The following PEX6 variants were observed in gnomAD, a reference collection of about 807,000 sequenced individuals.
The protein encoded by PEX6 is peroxisomal biogenesis factor 6, also known as peroxisome biogenesis factor 6.
PEX6 carries 55 observed loss-of-function variants against 85.6 expected under a neutral mutation model. The ratio of observed to expected loss-of-function variants is 0.64; its 90% CI spans 0.52 to 0.80. The LOEUF (loss-of-function observed/expected upper bound fraction) is 0.80. PEX6 is among the 30% of genes least tolerant of loss of function. PEX6 has a pLI of 0.00. For synonymous variants in PEX6, 519 were observed against 549.1 expected (o/e 0.95, Z 0.77); for missense variants, 1,099 against 1,260.3 (o/e 0.87, Z 1.94).
rs1352197974 is a variant in PEX6 at position 42,969,944 on chromosome 6, C to A, written c.1174G>T (p.Ala392Ser). The A allele has an allele frequency of 6.2e-7, 1 of 1,614,220 alleles. No homozygotes were observed. The highest frequency in any genetic ancestry group is 8.5e-7 in the Non-Finnish European group (1 of 1,180,036). The change falls in exon 4 of 17, where the codon GCT becomes TCT. Residue 392 changes from alanine to serine, a missense_variant. Transcript: ENST00000304611. The stretch of plus-strand genomic sequence containing the variant: ...TAGGCACTGGCTGGTCCATCTGGAG[C>A]TTCCCCAACTGTTTTCTTCACTTTA... Reference protein sequence around the residue: ...FFKVKKTVGEAPDGPASAYLA... With the variant: ...FFKVKKTVGESPDGPASAYLA...
At chr6:42,977,641 G>A (rs1266049405) in intron 1 of PEX6, among the ~76,000 whole-genome samples, 1 of 150,960 alleles carries the variant, frequency 6.6e-6, no homozygotes, top group African/African-American at 2.4e-5. Context: ...TTAGCCGGGC[G>A]TCGTGGCGCG....
chr6:42,966,469 G>T (rs752543338), intron 10 of PEX6, 22 bp from the exon 11 acceptor site: 1 of 1,614,154 alleles, frequency 6.2e-7, no homozygotes, highest in Non-Finnish European at 8.5e-7. Flanking sequence ...AAAGTGCGTG[G>T]TTGGGATATG....
chr6:42,967,344 C>T (rs1266289982), intron 8 of PEX6, 24 bp downstream of exon 8: 2 of 1,600,662 alleles, frequency 1.2e-6, no homozygotes, highest in South Asian at 1.1e-5. Flanking sequence ...CTAGGGAGGG[C>T]CAGTACTCTC....
intron 7 of PEX6, 106 bp from the exon 8 acceptor site, chr6:42,967,669 C>CT: frequency 1.0e-6 from 1 of 993,396 alleles, no homozygotes; most frequent in Non-Finnish European, 1.5e-6. Flanking sequence ...GAGGTGGGTG[C>CT]TAGGATGGGG....
intron 1 of PEX6, among the ~76,000 whole-genome samples, chr6:42,975,761 A>G (rs1166380885): frequency 6.6e-6 from 1 of 151,892 alleles, no homozygotes; most frequent in Non-Finnish European, 1.5e-5. Context: ...CCCATGATGA[A>G]GTGCAGTGGC....
At chr6:42,966,687 C>T (rs779459066) in intron 9 of PEX6, 30 bp from the exon 10 acceptor site, 4 of 1,614,056 alleles carry the variant, frequency 2.5e-6, no homozygotes, top group African/African-American at 1.3e-5. Flanking sequence ...GAAGCCTCCT[C>T]ACCATCAGCG....
chr6:42,978,851 G>A lies in PEX6; in HGVS notation c.300C>T (p.Pro100=), dbSNP rs1581779515. 1.3e-6 allele frequency: 2 copies of A among 1,510,158 alleles called. No homozygotes were observed. Among genetic ancestry groups the A allele is most frequent in the Non-Finnish European group, 1.8e-6 (2 of 1,137,716 alleles). 93.5% of individuals were successfully genotyped at this position (1,510,158 alleles called of 1,614,324 possible). ...AWVRARAVRR[P]PALGWALLGT... Reference sequence around the variant, plus strand: ...CAAGCAGTGCCCAACCTAGCGCCGGGGGCCGCCGCACCGCCCGCGCCCGCA... The same window carrying A: ...CAAGCAGTGCCCAACCTAGCGCCGGAGGCCGCCGCACCGCCCGCGCCCGCA... The change falls in exon 1 of 17, where the codon CCC becomes CCT. Residue 100 remains proline (P), a synonymous_variant. Transcript: ENST00000304611.
At chr6:42,966,905 G>A in intron 8 of PEX6, 47 bp from the exon 9 acceptor site, 2 of 1,457,228 alleles carry the variant, frequency 1.4e-6, no homozygotes, top group South Asian at 1.1e-5. Flanking sequence ...CAGTAGGCAG[G>A]AACCTTCAGG....
Position 42,964,397 on chromosome 6 carries a change from AGGGTTGCAGCCG to A in PEX6, c.2869_2880del (p.Arg957_Pro960del), listed in dbSNP as rs755093084. The stretch of plus-strand genomic sequence containing the variant: ...CGGAGCAGCTCCTGCTCACTGACTG[AGGGTTGCAGCCG>A]GGCGGCAGCCTGCAGCAAGTCCTCC... On this transcript the variant is annotated inframe_deletion, in exon 17 of 17. Transcript: ENST00000304611. This position sits in a 1 kb window ranked among gnomAD's most constrained non-coding sequence, Gnocchi z 4.6. The A allele has an allele frequency of 1.2e-6, 2 of 1,613,656 alleles. No homozygotes were observed. The highest frequency in any genetic ancestry group is 2.7e-5 in the African/African-American group (2 of 74,918).
chr6:42,966,803 C>A lies in PEX6; in HGVS notation c.1940G>T (p.Cys647Phe). ...ALLTHSSRAA[C>F]TRIKNSGLAG... ...TTACCCTGAGTTCTTGATCCTGGTG[C>A]AGGCTGCCCGGCTGCTGTGGGTCAG... The change falls in exon 9 of 17, where the codon TGC becomes TTC. Residue 647 changes from cysteine (C) to phenylalanine (F), a missense_variant. Cys to Phe is a radical substitution (Grantham distance 205). This residue lies in a region of PEX6 where 514 missense variants were observed against 627.0 expected (regional missense o/e 0.82). Transcript: ENST00000304611. The A allele has an allele frequency of 6.2e-7, 1 of 1,613,932 alleles. No homozygotes were observed. Among genetic ancestry groups the A allele is most frequent in the African/African-American group, 1.3e-5 (1 of 74,948 alleles).
At position 42,964,507 on chromosome 6, in the gene PEX6, C is replaced by T; in HGVS notation, c.2807-36G>A. The T allele has an allele frequency of 6.2e-7, 1 of 1,611,684 alleles. No homozygotes were observed. Reference sequence around the variant, plus strand: ...CAAGGTGGGGAGGCTGTGGTCTATGCCCAGGCAGGGGAGAGCCCTGCGAAG... The same window carrying T: ...CAAGGTGGGGAGGCTGTGGTCTATGTCCAGGCAGGGGAGAGCCCTGCGAAG... On this transcript the variant is annotated intron_variant, in intron 16 of 16. Coordinates refer to ENST00000304611, the MANE Select transcript of PEX6 (RefSeq NM_000287.4). The surrounding 1 kb of genome is among the most constrained non-coding windows in gnomAD (Gnocchi z 4.6).
chr6:42,967,211 C>T (rs1482034824), intron 8 of PEX6, among the ~76,000 whole-genome samples, 157 bp downstream of exon 8: 3 of 152,042 alleles, frequency 2.0e-5, no homozygotes, highest in African/African-American at 7.2e-5. Context: ...TCAGGTGATC[C>T]GCCCACCTCG....
intron 1 of PEX6, among the ~76,000 whole-genome samples, chr6:42,975,259 C>T (rs1253014162): frequency 1.3e-5 from 2 of 152,212 alleles, no homozygotes; most frequent in Non-Finnish European, 2.9e-5. Context: ...AAAAAATTTT[C>T]TCAGTAAAGA....
chr6:42,965,987 TG>T lies in PEX6; in HGVS notation c.2362+56del. The T allele has an allele frequency of 6.4e-7, 1 of 1,572,830 alleles. No individual in the cohort carries two copies. The stretch of plus-strand genomic sequence containing the variant: ...AGTAGCCTGGGAGTAGGGGGTGGCT[TG>T]GGGGCCATCGGGGTTTGGGAAGCAT... On this transcript the variant is annotated intron_variant, in intron 12 of 16. Transcript: ENST00000304611. The surrounding 1 kb of genome is among the most constrained non-coding windows in gnomAD (Gnocchi z 5.0).
rs983060034 is a variant in PEX6, at chr6:42,979,071, C to A, written c.80G>T (p.Gly27Val). The A allele has an allele frequency of 1.3e-6, 2 of 1,540,228 alleles. No homozygotes were observed. Among genetic ancestry groups the A allele is most frequent in the African/African-American group, 1.4e-5 (1 of 73,256 alleles). The change falls in exon 1 of 17, where the codon GGC becomes GTC. Residue 27 changes from glycine (G) to valine (V), a missense_variant. Gly to Val is a moderately radical substitution (Grantham distance 109). Coordinates refer to ENST00000304611, the MANE Select transcript of PEX6 (RefSeq NM_000287.4). Reference sequence around the variant, plus strand: ...GCCCAGCTCCGCCGCCGGCCACGGGCCCCCGGGTGGCAGCAGCACTGCCAA... The same window carrying A: ...GCCCAGCTCCGCCGCCGGCCACGGGACCCCGGGTGGCAGCAGCACTGCCAA... ...PPLAVLLPPG[G>V]PWPAAELGLV...
Position 42,967,571 on chromosome 6 carries a change from CAG to C in PEX6, c.1689-10_1689-9del. The C allele has an allele frequency of 6.3e-7, 1 of 1,593,166 alleles. No individual in the cohort carries two copies. Among genetic ancestry groups the C allele is most frequent in the Non-Finnish European group, 8.5e-7 (1 of 1,170,978 alleles). On this transcript the variant is annotated splice_polypyrimidine_tract_variant and intron_variant, in intron 7 of 16. Transcript: ENST00000304611. ...ACCATGAGGGGAGGGCAGCTGCAGA[CAG>C]AGGAGTGGGCACTGAGGGTGAGAAC...
In PEX6 at chr6:42,978,845, C is replaced by A. The variant is rs727504083; in HGVS notation, c.306G>T (p.Ala102=). Residue 102 remains alanine (A), a synonymous_variant, in exon 1 of 17, where the codon GCG becomes GCT. Transcript: ENST00000304611. The stretch of plus-strand genomic sequence containing the variant: ...AGGTGCCAAGCAGTGCCCAACCTAG[C>A]GCCGGGGGCCGCCGCACCGCCCGCG... ...VRARAVRRPP[A]LGWALLGTSL... 4.8e-5 allele frequency: 72 copies of A among 1,513,316 alleles called. No individual in the cohort carries two copies. The African/African-American group carries it at 8.8e-4, about 19-fold the overall frequency. 93.7% of individuals were successfully genotyped at this position (1,513,316 alleles called of 1,614,324 possible). A position where few individuals can be genotyped will look rare whatever the true frequency, so the allele number is the denominator to read the frequency against.
In PEX6 at chr6:42,964,522, G is replaced by T; in HGVS notation, c.2807-51C>A. On this transcript the variant is annotated intron_variant, in intron 16 of 16. Coordinates refer to ENST00000304611, the MANE Select transcript of PEX6 (RefSeq NM_000287.4). This position sits in a 1 kb window ranked among gnomAD's most constrained non-coding sequence, Gnocchi z 4.6. ...GTGGTCTATGCCCAGGCAGGGGAGA[G>T]CCCTGCGAAGGTGGCTTCCTGCTCA... 1 of 1,605,268 alleles carries T rather than the reference G, an allele frequency of 6.2e-7. No homozygotes were observed. The highest frequency in any genetic ancestry group is 8.5e-7 in the Non-Finnish European group (1 of 1,174,198).
chr6:42,972,564 A>T (rs1173980500), intron 3 of PEX6, among the ~76,000 whole-genome samples: 5 of 152,060 alleles, frequency 3.3e-5, no homozygotes, highest in Admixed American at 2.0e-4. Flanking sequence ...AGGTCAGGAG[A>T]TCGAGACCAT....
Sources: gnomAD v4.1 joint callset for allele counts (sites outside exome capture counted in the v4.1 genomes callset) on GRCh38, gnomAD v4.1.1 for gene constraint, gnomAD v4.1.1 regional missense constraint, Gnocchi (gnomAD v3.1) non-coding constraint, MANE v1.5 for transcripts, NCBI Gene and HGNC (gene_info 2026-07-23, HGNC 2026-07-21) for gene names.